MACROD2: variants seen among roughly 807,000 people sequenced by gnomAD.
The protein encoded by MACROD2 is ADP-ribose glycohydrolase MACROD2.
Under a neutral mutation model 70.4 loss-of-function variants are expected in MACROD2, and 36 were observed. The ratio of observed to expected loss-of-function variants is 0.51; its 90% CI spans 0.39 to 0.68. The LOEUF is 0.68. MACROD2 is among the 30% of genes least tolerant of loss of function. The pLI, the probability that MACROD2 is intolerant of heterozygous loss-of-function variation, is 0.00. For synonymous variants in MACROD2, 172 were observed against 178.8 expected (o/e 0.96, Z 0.30); for missense variants, 496 against 538.4 (o/e 0.92, Z 0.78).
intron 5 of MACROD2, among the ~76,000 whole-genome samples, chr20:14,700,003 GAAGTTTAAAGTTTAAATCTAGAAGTTTA>G (rs1198491365): frequency 4.1e-5 from 6 of 145,262 alleles, no homozygotes; most frequent in South Asian, 2.1e-4. Flanking sequence ...TTTAAATCTA[GAAGTTTAAAGTTTAAATCTAGAAGTTTA>G]AAGTTTAAAG....
intron 4 of MACROD2, among the ~76,000 whole-genome samples, chr20:14,555,166 C>T (rs2123274723): frequency 6.6e-6 from 1 of 152,006 alleles, no homozygotes; most frequent in Non-Finnish European, 1.5e-5. Flanking sequence ...GGAGGGATAC[C>T]CCATTCTCCA....
chr20:14,920,023 G>C lies in MACROD2; in HGVS notation c.418+235064G>C, dbSNP rs77677822. ...GTGAGCACACCTGGGATCGCTGCAG[G>C]CTGACATTGCATCGTGATTTCTCTG... On this transcript the variant is annotated intron_variant, in intron 5 of 17. Coordinates refer to ENST00000684519, the MANE Select transcript of MACROD2 (RefSeq NM_001351661.2). 3.2e-3 allele frequency among the ~76,000 whole-genome samples: 487 copies of C among 152,238 alleles called. 5 individuals are homozygous for C. The highest frequency in any genetic ancestry group is 0.011 in the African/African-American group (454 of 41,544).
chr20:14,190,926 C>A (rs1302920424), intron 3 of MACROD2, among the ~76,000 whole-genome samples: 1 of 151,332 alleles, frequency 6.6e-6, no homozygotes, highest in African/African-American at 2.4e-5. Flanking sequence ...CCAGGATGGT[C>A]TCGATCTCCT....
intron 3 of MACROD2, among the ~76,000 whole-genome samples, chr20:14,309,461 A>G (rs1476156417): frequency 1.3e-5 from 2 of 152,108 alleles, no homozygotes; most frequent in South Asian, 4.1e-4. Flanking sequence ...GTGCCTTTGT[A>G]TTTTCTAAAT....
At chr20:15,563,769 T>C (rs1192294125) in intron 8 of MACROD2, among the ~76,000 whole-genome samples, 2 of 152,144 alleles carry the variant, frequency 1.3e-5, no homozygotes, top group African/African-American at 4.8e-5. Flanking sequence ...TTTTAAAAAG[T>C]AGTTTGAAAG....
chr20:15,910,514 G>A (rs533457692), intron 10 of MACROD2, among the ~76,000 whole-genome samples: 18 of 152,086 alleles, frequency 1.2e-4, no homozygotes, highest in African/African-American at 4.3e-4. Flanking sequence ...AGTGGAGGAT[G>A]TAAAAGAATT....
At chr20:14,785,508 G>C (rs1194944222) in intron 5 of MACROD2, among the ~76,000 whole-genome samples, 1 of 152,014 alleles carries the variant, frequency 6.6e-6, no homozygotes, top group Non-Finnish European at 1.5e-5. Context: ...TTGGAGTCAA[G>C]ACAGACAACT....
chr20:15,357,897 C>T (rs966673818), intron 6 of MACROD2, among the ~76,000 whole-genome samples: 1 of 151,564 alleles, frequency 6.6e-6, no homozygotes, highest in African/African-American at 2.4e-5. Flanking sequence ...AGCTCCGCCT[C>T]CCGGGTTCAT....
intron 3 of MACROD2, among the ~76,000 whole-genome samples, chr20:14,338,589 TA>T (rs2082978014): frequency 6.6e-6 from 1 of 152,176 alleles, no homozygotes; most frequent in Non-Finnish European, 1.5e-5. Context: ...GATCCCCCAA[TA>T]AAATGTTTTT....
At chr20:15,808,947 A>C (rs1277777115) in intron 8 of MACROD2, among the ~76,000 whole-genome samples, 1 of 152,182 alleles carries the variant, frequency 6.6e-6, no homozygotes, top group Non-Finnish European at 1.5e-5. Flanking sequence ...AACTATGGAA[A>C]TATAAGGACA....
Position 15,885,243 on chromosome 20 carries a change from A to G in MACROD2, c.728-521A>G, listed in dbSNP as rs149898131. Among the ~76,000 whole-genome samples, 249 of 152,204 alleles carry G rather than the reference A, an allele frequency of 1.6e-3. 1 individual carries two copies. The highest frequency in any genetic ancestry group is 5.8e-3 in the African/African-American group (239 of 41,542). On this transcript the variant is annotated intron_variant, in intron 9 of 17. Coordinates refer to ENST00000684519, the MANE Select transcript of MACROD2 (RefSeq NM_001351661.2). ...ATGGGAGCTAAATGGGAGTGGTGCAATTGGTGGGACACTTGAAAGCACATG... is the reference window on the plus strand; with the variant it reads ...ATGGGAGCTAAATGGGAGTGGTGCAGTTGGTGGGACACTTGAAAGCACATG...
chr20:14,590,486 G>A (rs184578059), intron 4 of MACROD2, among the ~76,000 whole-genome samples: 104 of 152,188 alleles, frequency 6.8e-4, no homozygotes, highest in African/African-American at 2.4e-3. Flanking sequence ...AGCCTACCCC[G>A]TACACTTGAG....
intron 17 of MACROD2, among the ~76,000 whole-genome samples, chr20:16,047,393 G>A (rs2147625108): frequency 6.6e-6 from 1 of 152,286 alleles, no homozygotes; most frequent in South Asian, 2.1e-4. Context: ...ATGCATCAGT[G>A]GAACACTTTC....
chr20:14,683,549 G>A (rs754196865), intron 4 of MACROD2, among the ~76,000 whole-genome samples: 1 of 152,106 alleles, frequency 6.6e-6, no homozygotes, highest in Non-Finnish European at 1.5e-5. Context: ...TATGCAAGTG[G>A]TGAAGTAATA....
chr20:16,029,389 G>A (rs1237864292), intron 15 of MACROD2, among the ~76,000 whole-genome samples: 1 of 152,172 alleles, frequency 6.6e-6, no homozygotes, highest in African/African-American at 2.4e-5. Context: ...GAAGAATCAA[G>A]AGCCTCTGAA....
intron 3 of MACROD2, among the ~76,000 whole-genome samples, chr20:14,385,299 T>C (rs2083457973): frequency 6.6e-6 from 1 of 152,170 alleles, no homozygotes. Context: ...ACATTTTTAT[T>C]GAAATGTAGA....
At chr20:14,342,919 A>G (rs1317858280) in intron 3 of MACROD2, among the ~76,000 whole-genome samples, 2 of 151,902 alleles carry the variant, frequency 1.3e-5, no homozygotes, top group African/African-American at 2.4e-5. Flanking sequence ...CTTTTCCCCA[A>G]CACTCATGTT....
At chr20:15,972,357 C>A (rs1428474480) in intron 13 of MACROD2, among the ~76,000 whole-genome samples, 1 of 152,008 alleles carries the variant, frequency 6.6e-6, no homozygotes, top group African/African-American at 2.4e-5. Context: ...AAATTATCAA[C>A]CCACATATGC....
chr20:14,275,602 A>G (rs2082245410), intron 3 of MACROD2, among the ~76,000 whole-genome samples: 1 of 151,712 alleles, frequency 6.6e-6, no homozygotes, highest in African/African-American at 2.4e-5. Context: ...CACCAAAAGC[A>G]ATGGCAACAA....
Sources: gnomAD v4.1 joint callset for allele counts (sites outside exome capture counted in the v4.1 genomes callset) on GRCh38, gnomAD v4.1.1 for gene constraint, MANE v1.5 for transcripts, NCBI Gene and HGNC (gene_info 2026-07-23, HGNC 2026-07-21) for gene names.